The following CDKN2B-AS1 variants were observed in gnomAD, a reference collection of about 807,000 sequenced individuals.
CDKN2B-AS1 encodes CDKN2B antisense RNA 1 (non-protein coding).
intron 4 of CDKN2B-AS1, among the ~76,000 whole-genome samples, chr9:22,069,563 G>A (rs181775964): frequency 7.1e-4 from 108 of 152,118 alleles, no homozygotes; most frequent in African/African-American, 2.5e-3. Flanking sequence ...ATAATTATGG[G>A]ATACAATTTG....
intron 1 of CDKN2B-AS1, among the ~76,000 whole-genome samples, chr9:22,025,792 G>T (rs112523121): frequency 1.4e-3 from 209 of 152,272 alleles, no homozygotes; most frequent in African/African-American, 5.0e-3. Flanking sequence ...ACCTCACCCA[G>T]CCAGGAGGAA....
intron 1 of CDKN2B-AS1, among the ~76,000 whole-genome samples, chr9:22,035,967 G>C (rs546299250): frequency 1.3e-5 from 2 of 152,232 alleles, no homozygotes; most frequent in Admixed American, 6.5e-5. Context: ...CTTAGCCACA[G>C]ATGTAAGGGC....
chr9:22,058,799 G>T, intron 4 of CDKN2B-AS1: 1 of 169,362 alleles, frequency 5.9e-6, no homozygotes, highest in Non-Finnish European at 1.2e-5. Context: ...ACAAAAAGAA[G>T]TTTAACTAGA....
intron 3 of CDKN2B-AS1, among the ~76,000 whole-genome samples, chr9:22,052,044 G>A (rs567089132): frequency 8.5e-5 from 13 of 152,048 alleles, no homozygotes; most frequent in Non-Finnish European, 1.9e-4. Context: ...GGGGATCCTG[G>A]TGGCCAGATT....
chr9:22,117,220 A>AT (rs1225120754), intron 4 of CDKN2B-AS1, among the ~76,000 whole-genome samples: 8 of 152,220 alleles, frequency 5.3e-5, no homozygotes, highest in Admixed American at 5.2e-4. Context: ...TTCTCAGTTT[A>AT]TTATATGCTA....
intron 4 of CDKN2B-AS1, among the ~76,000 whole-genome samples, chr9:22,115,683 A>G (rs1315665570): frequency 6.6e-6 from 1 of 152,154 alleles, no homozygotes; most frequent in African/African-American, 2.4e-5. Context: ...TGCTCCCATT[A>G]AGGTTCTTCC....
chr9:22,067,288 C>T (rs1426231323), intron 4 of CDKN2B-AS1, among the ~76,000 whole-genome samples: 1 of 152,106 alleles, frequency 6.6e-6, no homozygotes, highest in African/African-American at 2.4e-5. Flanking sequence ...TATAAAAGAG[C>T]AGATCAGAAT....
At chr9:22,101,500 G>C (rs1290226553) in intron 4 of CDKN2B-AS1, among the ~76,000 whole-genome samples, 1 of 152,108 alleles carries the variant, frequency 6.6e-6, no homozygotes, top group East Asian at 1.9e-4. Context: ...CTTGTTACCT[G>C]ACCTAAATAT....
chr9:22,043,899 ACT>A (rs1402899314), intron 1 of CDKN2B-AS1, among the ~76,000 whole-genome samples: 1 of 151,906 alleles, frequency 6.6e-6, no homozygotes, highest in Non-Finnish European at 1.5e-5. Flanking sequence ...GCTTTGGGAA[ACT>A]CTACCCATGA....
At chr9:22,012,077 A>T in intron 1 of CDKN2B-AS1, 1 of 654,974 alleles carries the variant, frequency 1.5e-6, no homozygotes, top group Non-Finnish European at 2.7e-6. Context: ...TTGTCTGTAT[A>T]TGACCTTGAT....
At chr9:22,080,455 A>T (rs1824655179) in intron 4 of CDKN2B-AS1, among the ~76,000 whole-genome samples, 1 of 152,232 alleles carries the variant, frequency 6.6e-6, no homozygotes, top group African/African-American at 2.4e-5. Flanking sequence ...ACTTCTGTTC[A>T]CAATACACTG....
At chr9:22,056,159 C>T (rs569270731) in intron 3 of CDKN2B-AS1, 51 of 148,344 alleles carry the variant, frequency 3.4e-4, no homozygotes, top group African/African-American at 1.2e-3. Flanking sequence ...TCCTGAGTAG[C>T]TCGGATTAGA....
intron 1 of CDKN2B-AS1, among the ~76,000 whole-genome samples, chr9:22,011,348 A>G (rs1272886158): frequency 6.6e-6 from 1 of 152,174 alleles, no homozygotes; most frequent in Non-Finnish European, 1.5e-5. Context: ...TTAGAAGACG[A>G]GAAGAGAAAT....
chr9:22,008,886 G>A lies in CDKN2B-AS1; in HGVS notation n.29+13725G>A, dbSNP rs1399438560. 4 of 1,612,524 alleles carry A rather than the reference G, an allele frequency of 2.5e-6. No homozygotes were observed. The highest frequency in any genetic ancestry group is 1.1e-5 in the South Asian group (1 of 91,040). Reference sequence around the variant, plus strand: ...TCGCACCTTCTCCACTAGTCCCCGCGCCGCGGCGCTGGCCAGACCCTCATC... The same window carrying A: ...TCGCACCTTCTCCACTAGTCCCCGCACCGCGGCGCTGGCCAGACCCTCATC... On this transcript the variant is annotated intron_variant and non_coding_transcript_variant, in intron 1 of 4. Coordinates refer to ENST00000650946, the Ensembl canonical transcript of CDKN2B-AS1.
intron 1 of CDKN2B-AS1, among the ~76,000 whole-genome samples, chr9:22,045,540 A>G (rs182988339): frequency 1.3e-5 from 2 of 152,222 alleles, no homozygotes; most frequent in Non-Finnish European, 1.5e-5. Context: ...TCACTAAACT[A>G]GTCAATTTTT....
chr9:22,119,412 T>C (rs568473855), intron 4 of CDKN2B-AS1: 1 of 152,176 alleles, frequency 6.6e-6, no homozygotes, highest in Non-Finnish European at 1.5e-5. Context: ...CAATGTATAT[T>C]ATGCTGACTT....
Position 22,005,810 on chromosome 9 carries a change from A to G in CDKN2B-AS1, n.29+10649A>G, listed in dbSNP as rs1821143374. On this transcript the variant is annotated intron_variant and non_coding_transcript_variant, in intron 1 of 4. Transcript: ENST00000650946. This position sits in a 1 kb window ranked among gnomAD's most constrained non-coding sequence, Gnocchi z 4.9. Reference sequence around the variant, plus strand: ...GTCGAGGGCCAGATAAGACAAAGAAAAAAATGTATGGAAGGTTATTCCCGG... The same window carrying G: ...GTCGAGGGCCAGATAAGACAAAGAAGAAAATGTATGGAAGGTTATTCCCGG... 2 of 789,304 alleles carry G rather than the reference A, an allele frequency of 2.5e-6. No individual in the cohort carries two copies. Among genetic ancestry groups the G allele is most frequent in the African/African-American group, 3.5e-5 (2 of 57,864 alleles). 48.9% of individuals were successfully genotyped at this position (789,304 alleles called of 1,614,324 possible). A position where few individuals can be genotyped will look rare whatever the true frequency, so the allele number is the denominator to read the frequency against.
intron 4 of CDKN2B-AS1, among the ~76,000 whole-genome samples, chr9:22,114,181 C>T (rs1415190711): frequency 6.6e-6 from 1 of 152,182 alleles, no homozygotes; most frequent in Non-Finnish European, 1.5e-5. Context: ...CTGTCACAGC[C>T]ACTTCTGTCA....
At chr9:22,080,325 G>C (rs2131328527) in intron 4 of CDKN2B-AS1, among the ~76,000 whole-genome samples, 1 of 152,344 alleles carries the variant, frequency 6.6e-6, no homozygotes, top group South Asian at 2.1e-4. Flanking sequence ...CCGACCACTA[G>C]AAGAGAGTAA....
Sources: allele counts gnomAD v4.1 joint callset (sites outside exome capture counted in the v4.1 genomes callset), GRCh38; gene constraint gnomAD v4.1.1; non-coding constraint Gnocchi (gnomAD v3.1); transcripts MANE v1.5; gene names NCBI Gene and HGNC (gene_info 2026-07-23, HGNC 2026-07-21).